The following WDR70 variants were observed in gnomAD, a reference collection of about 807,000 sequenced individuals.
WDR70 encodes the protein WD repeat-containing protein 70.
A neutral mutation model predicts 88.6 loss-of-function variants in WDR70; 53 were observed. That is an observed-to-expected ratio of 0.60 (90% CI 0.48 to 0.75). WDR70 has a LOEUF of 0.75. WDR70 is among the 30% of genes least tolerant of loss of function. WDR70 has a pLI of 0.00. For missense variants in WDR70, 610 were observed against 823.2 expected (o/e 0.74, Z 3.17); for synonymous variants, 280 against 270.0 (o/e 1.04, Z -0.36).
intron 8 of WDR70, among the ~76,000 whole-genome samples, chr5:37,489,425 T>A (rs1739994281): frequency 6.6e-6 from 1 of 152,166 alleles, no homozygotes; most frequent in South Asian, 2.1e-4. Flanking sequence ...TAGTGGTGGC[T>A]GTGACAGACT....
At position 37,596,962 on chromosome 5, in the gene WDR70, G is replaced by A. The variant is rs1267880395; in HGVS notation, c.918-8102G>A. Among the ~76,000 whole-genome samples the A allele has an allele frequency of 4.6e-5, 7 of 152,086 alleles. No individual in the cohort carries two copies. In the East Asian group the frequency reaches 1.2e-3, roughly 25 times the overall value. On this transcript the variant is annotated intron_variant, in intron 9 of 17. Coordinates refer to ENST00000265107, the MANE Select transcript of WDR70 (RefSeq NM_018034.4). The stretch of plus-strand genomic sequence containing the variant: ...ATGTTAATATAACTGGAATTATATC[G>A]TGTGTAGTCTTTTGAGTGTGGCTTC...
At chr5:37,561,126 G>C (rs2112375611) in intron 9 of WDR70, among the ~76,000 whole-genome samples, 1 of 152,256 alleles carries the variant, frequency 6.6e-6, no homozygotes, top group Admixed American at 6.5e-5. Context: ...CATACTGTCA[G>C]GGGAAATCTA....
intron 10 of WDR70, among the ~76,000 whole-genome samples, chr5:37,611,200 G>A (rs1158424431): frequency 6.6e-6 from 1 of 151,740 alleles, no homozygotes; most frequent in African/African-American, 2.4e-5. Flanking sequence ...ATGCAGCTTT[G>A]AACATTTTTC....
chr5:37,433,507 T>A (rs1174423146), intron 5 of WDR70, among the ~76,000 whole-genome samples: 2 of 152,198 alleles, frequency 1.3e-5, no homozygotes, highest in African/African-American at 4.8e-5. Context: ...TCCAGGACTC[T>A]CCTGCTGATC....
chr5:37,632,880 A>T (rs1236891786), intron 10 of WDR70, among the ~76,000 whole-genome samples: 3 of 152,208 alleles, frequency 2.0e-5, no homozygotes, highest in Non-Finnish European at 4.4e-5. Context: ...AGCAACTTCT[A>T]GTCCAGCAAG....
intron 5 of WDR70, among the ~76,000 whole-genome samples, chr5:37,419,169 T>C (rs1749860703): frequency 6.6e-6 from 1 of 152,096 alleles, no homozygotes; most frequent in African/African-American, 2.4e-5. Flanking sequence ...AGCCCCCACC[T>C]CTTTGCTGTT....
At chr5:37,451,159 A>G (rs183980273) in intron 7 of WDR70, among the ~76,000 whole-genome samples, 85 of 152,152 alleles carry the variant, frequency 5.6e-4, no homozygotes, top group Non-Finnish European at 1.1e-3. Context: ...TGGTCTCCCA[A>G]AGTGCTGGGA....
At chr5:37,422,294 C>CA (rs34960512) in intron 5 of WDR70, among the ~76,000 whole-genome samples, 68,398 of 145,704 alleles carry the variant, frequency 0.47, 18,941 homozygotes, top group Non-Finnish European at 0.62. Context: ...TTCCTTTTTT[C>CA]TTTTTTTTTT....
intron 8 of WDR70, among the ~76,000 whole-genome samples, chr5:37,509,788 T>C (rs1203419503): frequency 1.3e-5 from 2 of 150,040 alleles, no homozygotes; most frequent in African/African-American, 5.0e-5. Flanking sequence ...CCCTATAGAT[T>C]CTTTTTTTTT....
intron 5 of WDR70, 114 bp from the exon 6 acceptor site, chr5:37,437,808 G>A: frequency 9.8e-7 from 1 of 1,023,338 alleles, no homozygotes; most frequent in Non-Finnish European, 1.4e-6. Context: ...TAAGCTTTGT[G>A]TTTAAAAACC....
In WDR70 at chr5:37,437,907, G is replaced by C. The variant is rs967317710; in HGVS notation, c.493-15G>C. On this transcript the variant is annotated splice_polypyrimidine_tract_variant and intron_variant, in intron 5 of 17. Transcript: ENST00000265107. ...GTTATTTTACCATTAATGTCATGGG[G>C]TTTTCTTGTTTCAGAATCCTGTTCA... 3.1e-6 allele frequency: 5 copies of C among 1,598,104 alleles called. No individual in the cohort carries two copies. In the Admixed American group the frequency reaches 5.2e-5, roughly 17 times the overall value.
At chr5:37,421,064 G>A (rs886429585) in intron 5 of WDR70, among the ~76,000 whole-genome samples, 10 of 152,236 alleles carry the variant, frequency 6.6e-5, no homozygotes, top group Admixed American at 5.9e-4. Context: ...CTCCAGTGAA[G>A]TGGAGGTACA....
intron 9 of WDR70, among the ~76,000 whole-genome samples, chr5:37,528,478 G>A (rs1049329093): frequency 4.6e-5 from 7 of 152,092 alleles, no homozygotes; most frequent in African/African-American, 1.7e-4. Context: ...GGGGCCTGTT[G>A]TGGGTTAGGG....
chr5:37,420,915 A>G (rs1485237240), intron 5 of WDR70, among the ~76,000 whole-genome samples: 2 of 152,168 alleles, frequency 1.3e-5, no homozygotes, highest in South Asian at 2.1e-4. Context: ...CTGTCTCAAA[A>G]ACAAAAAATA....
At chr5:37,439,043 G>A (rs1448205326) in intron 6 of WDR70, among the ~76,000 whole-genome samples, 1 of 151,668 alleles carries the variant, frequency 6.6e-6, no homozygotes, top group Non-Finnish European at 1.5e-5. Flanking sequence ...TCAGCCTCCT[G>A]AGTAGCTGGG....
intron 7 of WDR70, among the ~76,000 whole-genome samples, chr5:37,467,145 T>G (rs1168312546): frequency 6.7e-5 from 10 of 149,474 alleles, no homozygotes; most frequent in Admixed American, 2.7e-4. Context: ...GAGAATTGCT[T>G]GAACCTGGGA....
At chr5:37,724,686 C>T in intron 15 of WDR70, 1 of 385,624 alleles carries the variant, frequency 2.6e-6, no homozygotes, top group South Asian at 4.8e-5. Flanking sequence ...GATGGGGAGC[C>T]TCACCGATGT....
chr5:37,491,866 AC>A (rs1740076987), intron 8 of WDR70, among the ~76,000 whole-genome samples: 1 of 152,238 alleles, frequency 6.6e-6, no homozygotes, highest in South Asian at 2.1e-4. Context: ...GATTTGAAGT[AC>A]ATTTTATTTC....
intron 8 of WDR70, among the ~76,000 whole-genome samples, chr5:37,500,715 G>GGTTTT (rs1167220429): frequency 1.7e-5 from 1 of 57,282 alleles, no homozygotes; most frequent in Non-Finnish European, 4.7e-5. Context: ...ATATTTGTTG[G>GGTTTT]CTTTTTTTTT....
Sources: gnomAD v4.1 joint callset for allele counts (sites outside exome capture counted in the v4.1 genomes callset) on GRCh38, gnomAD v4.1.1 for gene constraint, MANE v1.5 for transcripts, NCBI Gene and HGNC (gene_info 2026-07-23, HGNC 2026-07-21) for gene names.